PPP1R16B: variants seen among roughly 807,000 people sequenced by gnomAD.
PPP1R16B encodes protein phosphatase 1 regulatory subunit 16B, also known as protein phosphatase 1 regulatory inhibitor subunit 16B.
PPP1R16B carries 14 observed loss-of-function variants against 61.7 expected under a neutral mutation model. The ratio of observed to expected loss-of-function variants is 0.23; its 90% CI spans 0.15 to 0.35. PPP1R16B has a LOEUF of 0.35. Ranked by LOEUF, PPP1R16B falls within the 10% of genes least tolerant of loss-of-function variation. PPP1R16B has a pLI of 1.00. For missense variants in PPP1R16B, 547 were observed against 752.5 expected, an observed-to-expected ratio of 0.73 and a Z score of 3.19; for synonymous variants, 266 against 305.3, an observed-to-expected ratio of 0.87 and a Z score of 1.34.
intron 3 of PPP1R16B, among the ~76,000 whole-genome samples, chr20:38,891,394 A>C (rs1406038318): frequency 6.6e-6 from 1 of 152,270 alleles, no homozygotes; most frequent in African/African-American, 2.4e-5. Context: ...GATACTGGAT[A>C]AATATTATTA....
chr20:38,907,749 C>T lies in PPP1R16B; in HGVS notation c.899-57C>T. ...GGCAGCTCCTCTGGTCTGGAGCACC[C>T]TCTTGCGCCACAGGTCCTGGCCCCG... On this transcript the variant is annotated intron_variant, in intron 8 of 10. Coordinates refer to ENST00000299824, the MANE Select transcript of PPP1R16B (RefSeq NM_015568.4). This position sits in a 1 kb window ranked among gnomAD's most constrained non-coding sequence, Gnocchi z 4.5. 1 of 1,597,636 alleles carries T rather than the reference C, an allele frequency of 6.3e-7. No homozygotes were observed. The highest frequency in any genetic ancestry group is 1.1e-5 in the South Asian group (1 of 89,762).
chr20:38,807,590 C>T (rs2084671054), intron 1 of PPP1R16B, among the ~76,000 whole-genome samples: 1 of 152,130 alleles, frequency 6.6e-6, no homozygotes, highest in African/African-American at 2.4e-5. Context: ...CAGCCGGCTG[C>T]CTGCTCACAC....
intron 2 of PPP1R16B, among the ~76,000 whole-genome samples, chr20:38,873,740 T>TTG (rs1418232264): frequency 1.1e-5 from 1 of 89,538 alleles, no homozygotes; most frequent in Admixed American, 1.2e-4. Context: ...ACATCTTTTT[T>TTG]TTGTTTTTTT....
intron 2 of PPP1R16B, among the ~76,000 whole-genome samples, chr20:38,863,972 G>T (rs1352830138): frequency 6.6e-6 from 1 of 152,220 alleles, no homozygotes; most frequent in Non-Finnish European, 1.5e-5. Context: ...TACATGGAAT[G>T]CAGTCTAGCC....
At chr20:38,911,004 A>AAAAC (rs1334622100) in intron 10 of PPP1R16B, among the ~76,000 whole-genome samples, 1 of 151,772 alleles carries the variant, frequency 6.6e-6, no homozygotes, top group East Asian at 2.0e-4. Flanking sequence ...AAAACAAAAC[A>AAAAC]AAACAAAACA....
intron 10 of PPP1R16B, among the ~76,000 whole-genome samples, chr20:38,909,209 C>T (rs2085469943): frequency 6.6e-6 from 1 of 151,996 alleles, no homozygotes; most frequent in Admixed American, 6.6e-5. Flanking sequence ...GCTGTGTTGC[C>T]CAGGCTGGCC....
rs1293814608 is a variant in PPP1R16B at position 38,855,943 on chromosome 20, T to TAGAGAGAGAG, written c.250+19798_250+19807dup. 2.4e-3 allele frequency among the ~76,000 whole-genome samples: 36 copies of TAGAGAGAGAG among 15,052 alleles called. 5 individuals carry two copies. The highest frequency in any genetic ancestry group is 3.1e-3 in the East Asian group (1 of 326). 9.9% of individuals were successfully genotyped at this position (15,052 alleles called of 152,430 possible). On this transcript the variant is annotated intron_variant, in intron 2 of 10. Transcript: ENST00000299824. ...ATATATATATATATATATATATATA[T>TAGAGAGAGAG]AGAGAGAGAGAGAGAGAGAGAGAGA... is the stretch of plus-strand genomic sequence containing the variant.
intron 2 of PPP1R16B, among the ~76,000 whole-genome samples, chr20:38,885,036 C>CAAAAAAAAAAAA (rs71330453): frequency 2.9e-5 from 2 of 67,822 alleles, no homozygotes; most frequent in Non-Finnish European, 5.1e-5. Flanking sequence ...AACTCTGTCT[C>CAAAAAAAAAAAA]AAAAAAAAAA....
chr20:38,849,777 G>A (rs2084956254), intron 2 of PPP1R16B, among the ~76,000 whole-genome samples: 2 of 151,966 alleles, frequency 1.3e-5, no homozygotes, highest in African/African-American at 2.4e-5. Flanking sequence ...GCATACCCAT[G>A]TAACTAATCA....
intron 3 of PPP1R16B, among the ~76,000 whole-genome samples, chr20:38,894,992 G>A (rs6101339): frequency 1.3e-5 from 2 of 152,216 alleles, no homozygotes; most frequent in Admixed American, 1.3e-4. Context: ...GATTATTTCA[G>A]GGGGAGTCTT....
chr20:38,895,917 C>CTCCCTTCCTCCTTCCTTCTTTCT (rs2085336354), intron 4 of PPP1R16B, among the ~76,000 whole-genome samples: 1 of 91,538 alleles, frequency 1.1e-5, no homozygotes, highest in African/African-American at 4.7e-5. Flanking sequence ...TTCTTTCTTC[C>CTCCCTTCCTCCTTCCTTCTTTCT]CTCCCTCCCT....
intron 1 of PPP1R16B, among the ~76,000 whole-genome samples, chr20:38,825,431 T>C (rs2084799645): frequency 6.6e-6 from 1 of 152,200 alleles, no homozygotes; most frequent in South Asian, 2.1e-4. Context: ...ATCAGGGAGA[T>C]AAGGGGACAT....
chr20:38,913,843 G>A (rs1339389820), intron 10 of PPP1R16B, among the ~76,000 whole-genome samples: 1 of 152,148 alleles, frequency 6.6e-6, no homozygotes, highest in Non-Finnish European at 1.5e-5. Flanking sequence ...TACCCTCAGG[G>A]TGAGTCAAAG....
rs749422095 is a variant in PPP1R16B at position 38,921,812 on chromosome 20, C to A, written c.*3146C>A. The A allele has an allele frequency of 1.3e-5, 2 of 152,210 alleles. No homozygotes were observed. Among genetic ancestry groups the A allele is most frequent in the Non-Finnish European group, 2.9e-5 (2 of 68,036 alleles). 9.4% of individuals were successfully genotyped at this position (152,210 alleles called of 1,614,324 possible). ...CTCATTTATTACATAGTCCCCTCAC[C>A]CCACTAATGGATAATGGGAGGAAAA... On this transcript the variant is annotated 3_prime_UTR_variant, in exon 11 of 11. Transcript: ENST00000299824.
Position 38,806,599 on chromosome 20 carries a change from C to T in PPP1R16B, c.-102+807C>T, listed in dbSNP as rs2145698269. Among the ~76,000 whole-genome samples, 1 of 152,260 alleles carries T rather than the reference C, an allele frequency of 6.6e-6. No individual in the cohort carries two copies. The highest frequency in any genetic ancestry group is 2.4e-5 in the African/African-American group (1 of 41,564). On this transcript the variant is annotated intron_variant, in intron 1 of 10. Transcript: ENST00000299824. This position sits in a 1 kb window ranked among gnomAD's most constrained non-coding sequence, Gnocchi z 4.5. ...CTGAGAGGTCGCCCAGAGGGGTCTC[C>T]CCAAGGTCACCCGGAGTGCCCAGGC... is the stretch of plus-strand genomic sequence containing the variant.
intron 1 of PPP1R16B, among the ~76,000 whole-genome samples, chr20:38,828,089 A>C (rs1447397389): frequency 6.6e-6 from 1 of 152,230 alleles, no homozygotes; most frequent in Non-Finnish European, 1.5e-5. Flanking sequence ...TTTCTGACTC[A>C]TATTTTAAAA....
At chr20:38,835,561 G>A (rs1601244694) in intron 1 of PPP1R16B, among the ~76,000 whole-genome samples, 2 of 152,326 alleles carry the variant, frequency 1.3e-5, no homozygotes, top group Non-Finnish European at 2.9e-5. Flanking sequence ...AATGTGGATA[G>A]TGCAACCAAG....
chr20:38,885,036 CAAAAAAAAAAAAAAA>C (rs71330453), intron 2 of PPP1R16B, among the ~76,000 whole-genome samples: 1 of 67,826 alleles, frequency 1.5e-5, no homozygotes, highest in Non-Finnish European at 2.6e-5. Context: ...AACTCTGTCT[CAAAAAAAAAAAAAAA>C]AAAAAAAAGA....
At chr20:38,916,873 T>C (rs182775245) in intron 10 of PPP1R16B, among the ~76,000 whole-genome samples, 2 of 152,000 alleles carry the variant, frequency 1.3e-5, no homozygotes, top group East Asian at 4.1e-4. Context: ...TTTGTTGTTT[T>C]AATTTTTATA....
Sources: allele counts gnomAD v4.1 joint callset (sites outside exome capture counted in the v4.1 genomes callset), GRCh38; gene constraint gnomAD v4.1.1; non-coding constraint Gnocchi (gnomAD v3.1); transcripts MANE v1.5; gene names NCBI Gene and HGNC (gene_info 2026-07-23, HGNC 2026-07-21).